The following KIAA1671 variants were observed in gnomAD, a reference collection of about 807,000 sequenced individuals.
KIAA1671 encodes the protein KIAA1671.
In KIAA1671, 52 loss-of-function variants were observed where a neutral mutation model predicts 131.2. The ratio of observed to expected loss-of-function variants is 0.40; its 90% confidence interval spans 0.32 to 0.50. The LOEUF (loss-of-function observed/expected upper bound fraction) is 0.50. Ranked by LOEUF, KIAA1671 falls within the 20% of genes least tolerant of loss-of-function variation. The pLI is 0.73. For missense variants in KIAA1671, 2,360 were observed against 2,364.2 expected (o/e 1.00, Z 0.04); for synonymous variants, 1,003 against 961.6 (o/e 1.04, Z -0.80).
chr22:25,127,862 T>C (rs1932257073), intron 6 of KIAA1671, among the ~76,000 whole-genome samples: 1 of 152,218 alleles, frequency 6.6e-6, no homozygotes, highest in Admixed American at 6.5e-5. Context: ...TTCAACAACT[T>C]AGTGCCATTG....
intron 5 of KIAA1671, among the ~76,000 whole-genome samples, chr22:25,046,991 G>A: frequency 7.1e-6 from 1 of 140,070 alleles, no homozygotes; most frequent in African/African-American, 2.7e-5. Context: ...TTTTTTTTGA[G>A]CCAGCGTCTC....
intron 6 of KIAA1671, among the ~76,000 whole-genome samples, chr22:25,121,973 T>C (rs1931967834): frequency 6.6e-6 from 1 of 152,148 alleles, no homozygotes; most frequent in Admixed American, 6.5e-5. Flanking sequence ...GAGAGTGAAT[T>C]GTGGGATCTG....
At chr22:25,145,049 CAGGTGCTGTT>C (rs1397539676) in intron 6 of KIAA1671, among the ~76,000 whole-genome samples, 3 of 152,202 alleles carry the variant, frequency 2.0e-5, no homozygotes, top group Non-Finnish European at 4.4e-5. Context: ...CATCTTTGTC[CAGGTGCTGTT>C]AGGAGTCCTT....
chr22:25,030,483 C>T lies in KIAA1671; in HGVS notation c.1541+943C>T, dbSNP rs374347977. Among the ~76,000 whole-genome samples, 1,088 of 150,852 alleles carry T rather than the reference C, an allele frequency of 7.2e-3. 8 individuals are homozygous for T. Among genetic ancestry groups the T allele is most frequent in the Non-Finnish European group, 0.011 (755 of 67,772 alleles). ...TCGGGAGGCAGAGGTTGCAGTGAGC[C>T]GAGATCACACCACTCCACTCCAGCC... On this transcript the variant is annotated intron_variant, in intron 3 of 12. Transcript: ENST00000358431.
intron 6 of KIAA1671, among the ~76,000 whole-genome samples, chr22:25,142,533 A>G (rs1389404672): frequency 6.6e-6 from 1 of 152,102 alleles, no homozygotes; most frequent in Non-Finnish European, 1.5e-5. Flanking sequence ...TTGGGTCCAC[A>G]GGGGCTGAGG....
At chr22:24,955,148 A>T (rs1426815007) in intron 1 of KIAA1671, among the ~76,000 whole-genome samples, 1 of 152,218 alleles carries the variant, frequency 6.6e-6, no homozygotes, top group Non-Finnish European at 1.5e-5. Context: ...GGCTCTGAGC[A>T]TTTCTCCTCA....
intron 1 of KIAA1671, among the ~76,000 whole-genome samples, chr22:24,956,609 G>C (rs1050304380): frequency 6.6e-6 from 1 of 152,150 alleles, no homozygotes; most frequent in Non-Finnish European, 1.5e-5. Flanking sequence ...GCTCACGCCT[G>C]TAATCCCAGC....
At chr22:24,991,923 T>C (rs1923861176) in intron 1 of KIAA1671, among the ~76,000 whole-genome samples, 1 of 152,120 alleles carries the variant, frequency 6.6e-6, no homozygotes, top group Admixed American at 6.5e-5. Flanking sequence ...AGTTGTTATT[T>C]CCTCTGGTGT....
At chr22:25,025,406 A>G (rs1180171718) in intron 1 of KIAA1671, among the ~76,000 whole-genome samples, 1 of 152,168 alleles carries the variant, frequency 6.6e-6, no homozygotes, top group African/African-American at 2.4e-5. Flanking sequence ...TGCTTAATAA[A>G]TGTATCAGAG....
chr22:24,979,312 G>A (rs958815104), intron 1 of KIAA1671, among the ~76,000 whole-genome samples: 3 of 149,530 alleles, frequency 2.0e-5, no homozygotes, highest in African/African-American at 4.9e-5. Context: ...CACCATGCCC[G>A]GGCAACCATC....
At chr22:25,123,896 T>C (rs1329863748) in intron 6 of KIAA1671, among the ~76,000 whole-genome samples, 1 of 152,220 alleles carries the variant, frequency 6.6e-6, no homozygotes. Context: ...ACACATTTCT[T>C]CTCACTTACG....
chr22:25,046,368 C>T (rs1352487720), intron 5 of KIAA1671, among the ~76,000 whole-genome samples: 2 of 97,400 alleles, frequency 2.1e-5, no homozygotes, highest in East Asian at 2.0e-4. Flanking sequence ...TCTTGATTTA[C>T]AGCCCAAAAG....
chr22:25,141,563 A>T (rs1484731249), intron 6 of KIAA1671, among the ~76,000 whole-genome samples: 1 of 152,116 alleles, frequency 6.6e-6, no homozygotes, highest in Non-Finnish European at 1.5e-5. Flanking sequence ...TTATTAATAT[A>T]TGTATCTTTA....
At chr22:25,142,078 T>C (rs1265990850) in intron 6 of KIAA1671, among the ~76,000 whole-genome samples, 1 of 152,174 alleles carries the variant, frequency 6.6e-6, no homozygotes, top group Non-Finnish European at 1.5e-5. Flanking sequence ...TTGTTCAAGA[T>C]TAAGAATTCA....
intron 1 of KIAA1671, among the ~76,000 whole-genome samples, chr22:24,959,958 T>C (rs975297389): frequency 1.3e-5 from 2 of 151,734 alleles, no homozygotes; most frequent in African/African-American, 2.4e-5. Context: ...GCCAACATGG[T>C]GAAACCCCGT....
intron 6 of KIAA1671, among the ~76,000 whole-genome samples, chr22:25,150,872 G>A (rs377608169): frequency 3.7e-5 from 5 of 134,900 alleles, no homozygotes; most frequent in Non-Finnish European, 7.9e-5. Context: ...TCACTCCATC[G>A]CCCAGGCTGG....
intron 6 of KIAA1671, chr22:25,063,134 C>T (rs977617490): frequency 4.6e-5 from 7 of 151,970 alleles, no homozygotes; most frequent in Non-Finnish European, 1.0e-4. Context: ...TTCCGGAGTG[C>T]AGTAAGAAGG....
intron 11 of KIAA1671, among the ~76,000 whole-genome samples, chr22:25,189,764 G>A (rs969809569): frequency 1.5e-5 from 2 of 135,728 alleles, no homozygotes; most frequent in East Asian, 2.4e-4. Flanking sequence ...TATATAGGAC[G>A]AATTTTTTGT....
At chr22:25,190,849 G>A in intron 12 of KIAA1671, 65 bp downstream of exon 12, 5 of 1,135,908 alleles carry the variant, frequency 4.4e-6, no homozygotes, top group Non-Finnish European at 6.5e-6. Context: ...GGGAACTCAG[G>A]GGGGCCACGC....
Sources: allele counts gnomAD v4.1 joint callset (sites outside exome capture counted in the v4.1 genomes callset), GRCh38; gene constraint gnomAD v4.1.1; transcripts MANE v1.5; gene names NCBI Gene and HGNC (gene_info 2026-07-23, HGNC 2026-07-21).